The following B4GALT6 variants were observed in gnomAD, a reference collection of about 807,000 sequenced individuals.
The protein encoded by B4GALT6 is UDP-Gal:beta-GlcNAc beta-1,4-galactosyltransferase 6.
B4GALT6 carries 14 observed loss-of-function variants against 46.3 expected under a neutral mutation model. The ratio of observed to expected loss-of-function variants is 0.30; its 90% confidence interval spans 0.20 to 0.47. The LOEUF (loss-of-function observed/expected upper bound fraction) is 0.47. Ranked by LOEUF, B4GALT6 falls within the 20% of genes least tolerant of loss-of-function variation. B4GALT6 has a pLI of 0.99. For missense variants in B4GALT6, 386 were observed against 480.1 expected (o/e 0.80, Z 1.83); for synonymous variants, 168 against 162.0 (o/e 1.04, Z -0.28).
the B4GALT6 span, among the ~76,000 whole-genome samples, chr18:31,692,306 C>G: frequency 6.6e-6 from 1 of 152,136 alleles, no homozygotes; most frequent in Non-Finnish European, 1.5e-5. Context: ...CTGGTTTTAC[C>G]AATTTATGCT....
the B4GALT6 span, among the ~76,000 whole-genome samples, chr18:31,697,690 A>G: frequency 2.7e-4 from 41 of 152,204 alleles, no homozygotes; most frequent in African/African-American, 9.2e-4. Context: ...ACCTAAAAAT[A>G]TCACATGGAT....
chr18:31,699,475 T>C, the B4GALT6 span, among the ~76,000 whole-genome samples: 1 of 151,762 alleles, frequency 6.6e-6, no homozygotes, highest in Non-Finnish European at 1.5e-5. Flanking sequence ...GGTTTCACCA[T>C]GTTGGCTAGG....
chr18:31,716,502 G>A, the B4GALT6 span, among the ~76,000 whole-genome samples: 1 of 152,300 alleles, frequency 6.6e-6, no homozygotes, highest in Non-Finnish European at 1.5e-5. Flanking sequence ...AGTAAGCTCT[G>A]TGCCTCATCT....
the B4GALT6 span, among the ~76,000 whole-genome samples, chr18:31,710,849 C>CACACACACACACACACTA: frequency 6.6e-6 from 1 of 151,220 alleles, no homozygotes; most frequent in Non-Finnish European, 1.5e-5. Flanking sequence ...CACACACACA[C>CACACACACACACACACTA]TATAATCCTC....
At chr18:31,684,782 T>C, upstream of B4GALT6, 1 of 1,058,452 alleles carries the variant, frequency 9.4e-7, no homozygotes, top group African/African-American at 1.7e-5. Flanking sequence ...GGGCTGCAGG[T>C]GGGAGGAGGC....
chr18:31,654,761 C>T (rs912437302), intron 3 of B4GALT6, among the ~76,000 whole-genome samples: 7 of 152,194 alleles, frequency 4.6e-5, no homozygotes, highest in Admixed American at 2.6e-4. Flanking sequence ...CTAATTCTTA[C>T]ACAAATCCCT....
At chr18:31,650,530 G>A (rs574225211) in intron 3 of B4GALT6, among the ~76,000 whole-genome samples, 26 of 152,338 alleles carry the variant, frequency 1.7e-4, no homozygotes, top group South Asian at 1.2e-3. Flanking sequence ...GCTGGTAGGA[G>A]GTTTAAGCCC....
the B4GALT6 span, chr18:31,718,824 T>C: frequency 1.3e-5 from 2 of 152,210 alleles, no homozygotes; most frequent in Non-Finnish European, 2.9e-5. Context: ...TGTTGGGTTT[T>C]TGATAGCATA....
At chr18:31,664,338 C>T (rs2074258193) in intron 2 of B4GALT6, among the ~76,000 whole-genome samples, 1 of 152,180 alleles carries the variant, frequency 6.6e-6, no homozygotes, top group Admixed American at 6.5e-5. Context: ...ACAGGCAGGT[C>T]TCTGTTACAT....
At chr18:31,707,227 CTTTCT>C in the B4GALT6 span, among the ~76,000 whole-genome samples, 1 of 122,764 alleles carries the variant, frequency 8.1e-6, no homozygotes, top group Non-Finnish European at 1.7e-5. Context: ...AATTTCTTTT[CTTTCT>C]TTTTTTTTTT....
At chr18:31,678,728 T>C (rs2074445424) in intron 1 of B4GALT6, among the ~76,000 whole-genome samples, 1 of 152,212 alleles carries the variant, frequency 6.6e-6, no homozygotes, top group South Asian at 2.1e-4. Context: ...GGGCTCTCTT[T>C]GGGATTTTGC....
At chr18:31,713,489 G>A in the B4GALT6 span, among the ~76,000 whole-genome samples, 2 of 152,196 alleles carry the variant, frequency 1.3e-5, no homozygotes, top group African/African-American at 4.8e-5. Context: ...TGCTGCAGAT[G>A]GAGAAATTGA....
At chr18:31,653,435 CTTTTTTT>C (rs5823819) in intron 3 of B4GALT6, among the ~76,000 whole-genome samples, 65 of 74,172 alleles carry the variant, frequency 8.8e-4, no homozygotes, top group Middle Eastern at 0.026. Context: ...AACCTTTTTT[CTTTTTTT>C]TTTTTTTTTT....
intron 7 of B4GALT6, 121 bp downstream of exon 7, chr18:31,626,878 A>T: frequency 1.3e-6 from 1 of 793,738 alleles, no homozygotes; most frequent in South Asian, 2.2e-5. Context: ...AACAGGGTTT[A>T]GAAACCTCAA....
chr18:31,708,555 A>T, the B4GALT6 span, among the ~76,000 whole-genome samples: 1 of 152,112 alleles, frequency 6.6e-6, no homozygotes, highest in African/African-American at 2.4e-5. Flanking sequence ...ACAGAGTGAG[A>T]CTCGTCTCAA....
chr18:31,645,506 T>C, intron 3 of B4GALT6, 27 bp from the exon 4 acceptor site: 1 of 1,595,310 alleles, frequency 6.3e-7, no homozygotes, highest in South Asian at 1.1e-5. Flanking sequence ...TAAAGAATTG[T>C]TTTAATATTT....
At chr18:31,685,386 G>A (rs1447297993), upstream of B4GALT6, among the ~76,000 whole-genome samples, 1 of 151,628 alleles carries the variant, frequency 6.6e-6, no homozygotes, top group African/African-American at 2.4e-5. Flanking sequence ...GGACGTGAAG[G>A]GGCGGGGGAG....
At chr18:31,710,684 T>C in the B4GALT6 span, among the ~76,000 whole-genome samples, 2 of 152,148 alleles carry the variant, frequency 1.3e-5, no homozygotes, top group Non-Finnish European at 2.9e-5. Context: ...TCCAGAACTA[T>C]GAGAGAATAA....
the B4GALT6 span, among the ~76,000 whole-genome samples, chr18:31,723,682 T>C: frequency 6.6e-6 from 1 of 152,132 alleles, no homozygotes; most frequent in East Asian, 1.9e-4. Flanking sequence ...GGTGAATTAA[T>C]TACCAAACAT....
Sources: allele counts gnomAD v4.1 joint callset (sites outside exome capture counted in the v4.1 genomes callset), GRCh38; gene constraint gnomAD v4.1.1; transcripts MANE v1.5; gene names NCBI Gene and HGNC (gene_info 2026-07-23, HGNC 2026-07-21).